Variants in STXBP4 observed in about 807,000 individuals in gnomAD.
The protein encoded by STXBP4 is syntaxin binding protein 4.
In STXBP4, 55 loss-of-function variants were observed where a neutral mutation model predicts 76.1. That is an observed-to-expected ratio of 0.72 (90% CI 0.58 to 0.91). The LOEUF is 0.91. STXBP4 is among the 40% of genes least tolerant of loss of function. The pLI is 0.00. For synonymous variants in STXBP4, 201 were observed against 220.2 expected, an observed-to-expected ratio of 0.91 and a Z score of 0.77; for missense variants, 618 against 636.9, an observed-to-expected ratio of 0.97 and a Z score of 0.32.
At chr17:55,091,345 A>C (rs982170554) in intron 16 of STXBP4, among the ~76,000 whole-genome samples, 1 of 152,100 alleles carries the variant, frequency 6.6e-6, no homozygotes, top group African/African-American at 2.4e-5. Context: ...CAATAATCCC[A>C]CCTGTTACTA....
chr17:55,065,138 A>T (rs978612212), intron 12 of STXBP4, among the ~76,000 whole-genome samples: 1 of 152,140 alleles, frequency 6.6e-6, no homozygotes, highest in Non-Finnish European at 1.5e-5. Flanking sequence ...TAGGTAAATG[A>T]CTGTTTTATC....
In STXBP4 at chr17:54,990,808, A is replaced by C. The variant is rs777122781; in HGVS notation, c.48-17A>C. 6.3e-7 allele frequency: 1 copy of C among 1,589,348 alleles called. No homozygotes were observed. The highest frequency in any genetic ancestry group is 8.5e-7 in the Non-Finnish European group (1 of 1,172,324). On this transcript the variant is annotated splice_polypyrimidine_tract_variant and intron_variant, in intron 3 of 17. Transcript: ENST00000376352. ...ATCTCTAGACTAACCTGTGTGTGCT[A>C]ATTTACTTTATCTTAGGGATCCTGC... is the stretch of plus-strand genomic sequence containing the variant.
intron 17 of STXBP4, among the ~76,000 whole-genome samples, chr17:55,148,134 T>TC (rs2080177233): frequency 6.6e-6 from 1 of 152,222 alleles, no homozygotes; most frequent in Admixed American, 6.5e-5. Context: ...ACGCATGGTT[T>TC]CTCTCATTTC....
chr17:55,199,192 A>G, the STXBP4 span, among the ~76,000 whole-genome samples: 1 of 152,272 alleles, frequency 6.6e-6, no homozygotes, highest in Admixed American at 6.5e-5. Flanking sequence ...AGCTGTCCAG[A>G]TGAATCAAAT....
At position 55,137,321 on chromosome 17, in the gene STXBP4, A is replaced by G. The variant is rs542407587; in HGVS notation, c.1490-3989A>G. Among the ~76,000 whole-genome samples the G allele has an allele frequency of 5.7e-5, 7 of 123,442 alleles. No individual in the cohort carries two copies. In the East Asian group the frequency reaches 1.7e-3, roughly 30 times the overall value. The allele number at this position is 123,442 out of a possible 152,430, so 81.0% of individuals were successfully genotyped here. ...CCTCTGTCCTTCTGCTCTGCTCAGC[A>G]TGTTGGATGCTAAAAGTTAAACCTA... On this transcript the variant is annotated intron_variant, in intron 16 of 17. Transcript: ENST00000376352.
Position 55,163,156 on chromosome 17 carries a change from G to A in STXBP4, c.*3245G>A, listed in dbSNP as rs1165663062. 1 of 150,506 alleles carries A rather than the reference G, an allele frequency of 6.6e-6. No homozygotes were observed. Among genetic ancestry groups the A allele is most frequent in the East Asian group, 1.9e-4 (1 of 5,148 alleles). 9.3% of individuals were successfully genotyped at this position (150,506 alleles called of 1,614,324 possible). On this transcript the variant is annotated 3_prime_UTR_variant, in exon 18 of 18. Transcript: ENST00000376352. ...TTACATTACCACCAATAGTGTATGT[G>A]AGCCTTATTTTTATGTATGATAGGA...
intron 3 of STXBP4, 28 bp from the exon 4 acceptor site, chr17:54,990,797 C>G: frequency 6.3e-7 from 1 of 1,575,972 alleles, no homozygotes; most frequent in Non-Finnish European, 8.6e-7. Flanking sequence ...CTAGACTAAC[C>G]TGTGTGTGCT....
chr17:54,996,045 G>C (rs1272040983), intron 4 of STXBP4, among the ~76,000 whole-genome samples: 1 of 151,822 alleles, frequency 6.6e-6, no homozygotes, highest in Non-Finnish European at 1.5e-5. Flanking sequence ...TGAGGGCAGG[G>C]AAAAGCAGAT....
the STXBP4 span, among the ~76,000 whole-genome samples, chr17:55,205,495 G>C: frequency 6.6e-6 from 1 of 151,474 alleles, no homozygotes; most frequent in Non-Finnish European, 1.5e-5. Flanking sequence ...GTGTTAAAAG[G>C]TAAACATATA....
At chr17:54,972,757 G>T (rs1260793958) in intron 1 of STXBP4, among the ~76,000 whole-genome samples, 2 of 152,174 alleles carry the variant, frequency 1.3e-5, no homozygotes, top group Non-Finnish European at 2.9e-5. Context: ...TCTCAGCAGA[G>T]ACCCTAGAAA....
chr17:55,124,185 G>T (rs991734975), intron 16 of STXBP4, among the ~76,000 whole-genome samples: 1 of 152,136 alleles, frequency 6.6e-6, no homozygotes, highest in African/African-American at 2.4e-5. Flanking sequence ...ATGGGGACTT[G>T]GGAGAATGAG....
At chr17:55,026,336 G>GT (rs113976719) in intron 8 of STXBP4, among the ~76,000 whole-genome samples, 23 of 151,642 alleles carry the variant, frequency 1.5e-4, no homozygotes, top group African/African-American at 5.3e-4. Flanking sequence ...AAAGAAAAAA[G>GT]TTTTTTTTTC....
At chr17:55,066,292 C>T (rs2079050435) in intron 12 of STXBP4, among the ~76,000 whole-genome samples, 1 of 151,978 alleles carries the variant, frequency 6.6e-6, no homozygotes. Flanking sequence ...GGTGTGATCT[C>T]AACTCAGTGC....
chr17:55,180,028 A>C, the STXBP4 span, among the ~76,000 whole-genome samples: 1 of 152,122 alleles, frequency 6.6e-6, no homozygotes, highest in Non-Finnish European at 1.5e-5. Flanking sequence ...CACCACCTCC[A>C]TGTCTGGTGG....
intron 16 of STXBP4, among the ~76,000 whole-genome samples, chr17:55,136,840 G>A (rs11658245): frequency 0.18 from 27,775 of 151,962 alleles, 3,042 homozygotes; most frequent in Middle Eastern, 0.36. Context: ...ATGTGCTTAC[G>A]CCTTAACGGA....
chr17:55,080,938 C>A, intron 15 of STXBP4, 112 bp from the exon 16 acceptor site: 1 of 1,075,608 alleles, frequency 9.3e-7, no homozygotes, highest in Non-Finnish European at 1.2e-6. Context: ...ATAATTTCCT[C>A]AGAAATATAA....
intron 9 of STXBP4, among the ~76,000 whole-genome samples, chr17:55,031,732 C>T (rs1195322028): frequency 6.6e-6 from 1 of 152,132 alleles, no homozygotes; most frequent in Non-Finnish European, 1.5e-5. Flanking sequence ...CAGCCATACT[C>T]AATCTCATAG....
intron 8 of STXBP4, among the ~76,000 whole-genome samples, chr17:55,023,916 CAAAAAAAAAAAAAAAA>C (rs61454264): frequency 3.2e-5 from 2 of 62,230 alleles, no homozygotes; most frequent in African/African-American, 1.4e-4. Context: ...GGCCCTTTTC[CAAAAAAAAAAAAAAAA>C]AAAAAAAAGA....
chr17:55,186,732 T>A, the STXBP4 span, among the ~76,000 whole-genome samples: 5 of 152,194 alleles, frequency 3.3e-5, no homozygotes, highest in Non-Finnish European at 4.4e-5. Context: ...GTCTCTGTGA[T>A]CTTTTGCCAG....
Sources: allele counts gnomAD v4.1 joint callset (sites outside exome capture counted in the v4.1 genomes callset), GRCh38; gene constraint gnomAD v4.1.1; transcripts MANE v1.5; gene names NCBI Gene and HGNC (gene_info 2026-07-23, HGNC 2026-07-21).